KCNH5: variants seen among roughly 807,000 people sequenced by gnomAD.
KCNH5 encodes potassium voltage-gated channel subfamily H member 5, also known as voltage-gated delayed rectifier potassium channel KCNH5.
A neutral mutation model predicts 96.1 loss-of-function variants in KCNH5; 46 were observed. The ratio of observed to expected loss-of-function variants is 0.48; its 90% CI spans 0.38 to 0.61. The LOEUF (loss-of-function observed/expected upper bound fraction) is 0.61. Among genes scored for constraint, KCNH5 ranks in the 20% least tolerant of loss-of-function variants. KCNH5 has a pLI of 0.00. For synonymous variants in KCNH5, 439 were observed against 449.8 expected (o/e 0.98, Z 0.30); for missense variants, 907 against 1,225.8 (o/e 0.74, Z 3.88).
intron 7 of KCNH5, among the ~76,000 whole-genome samples, chr14:62,932,880 C>G (rs1199939622): frequency 6.6e-6 from 1 of 152,162 alleles, no homozygotes; most frequent in African/African-American, 2.4e-5. Context: ...TCTACCCAGA[C>G]AAGCTATCAG....
rs913020694 is a variant in KCNH5, at chr14:62,858,658, G to A, written c.1370-8806C>T. 4.6e-5 allele frequency among the ~76,000 whole-genome samples: 7 copies of A among 152,134 alleles called. 1 individual carries two copies. The highest frequency in any genetic ancestry group is 4.1e-4 in the South Asian group (2 of 4,820). On this transcript the variant is annotated intron_variant, in intron 7 of 10. Coordinates refer to ENST00000322893, the MANE Select transcript of KCNH5 (RefSeq NM_139318.5). Reference sequence around the variant, plus strand: ...CTCTAGGTCAGCAGAATGTAATATCGCAGGAACAGGAAGTGAAAATTTTGC... The same window carrying A: ...CTCTAGGTCAGCAGAATGTAATATCACAGGAACAGGAAGTGAAAATTTTGC...
chr14:63,040,560 T>C (rs1172542982), intron 1 of KCNH5, among the ~76,000 whole-genome samples: 1 of 152,190 alleles, frequency 6.6e-6, no homozygotes. Context: ...TCCTGAATAG[T>C]GTCTTAGATA....
intron 4 of KCNH5, among the ~76,000 whole-genome samples, chr14:62,999,813 T>A (rs1594667800): frequency 6.7e-6 from 1 of 149,206 alleles, no homozygotes; most frequent in Non-Finnish European, 1.5e-5. Context: ...TGTATACATA[T>A]GTAACTAACC....
rs564322687 is a variant in KCNH5, at chr14:62,767,164, C to CA, written c.2019+12563dup. 1.8e-3 allele frequency among the ~76,000 whole-genome samples: 271 copies of CA among 152,128 alleles called. 2 individuals carry two copies. Among genetic ancestry groups the CA allele is most frequent in the African/African-American group, 6.0e-3 (250 of 41,504 alleles). ...GTTGGAATGGCTATTCTTAAAAAGT[C>CA]AAAAAACAACAGATTCTGTTGAGGA... On this transcript the variant is annotated intron_variant, in intron 10 of 10. Coordinates refer to ENST00000322893, the MANE Select transcript of KCNH5 (RefSeq NM_139318.5).
At chr14:62,752,302 C>T (rs910960663) in intron 10 of KCNH5, among the ~76,000 whole-genome samples, 1 of 151,888 alleles carries the variant, frequency 6.6e-6, no homozygotes, top group Admixed American at 6.6e-5. Flanking sequence ...AAGGAAAGAC[C>T]CCTTCTGCTT....
chr14:62,734,528 G>C (rs11627880), intron 10 of KCNH5, among the ~76,000 whole-genome samples: 75,413 of 151,850 alleles, frequency 0.5, 19,074 homozygotes, highest in South Asian at 0.67. Flanking sequence ...AAGTGTTTCA[G>C]GGAAAGCACC....
Position 62,702,057 on chromosome 14 carries a change from A to G in KCNH5, c.*5451T>C, listed in dbSNP as rs1884356230. ...TATTAAAAAGAAAAAGAAATTATAG[A>G]AAAAAAATCCTGAATGACTCTTGCT... On this transcript the variant is annotated 3_prime_UTR_variant, in exon 11 of 11. Transcript: ENST00000322893. The G allele has an allele frequency of 1.3e-5, 2 of 151,972 alleles. No homozygotes were observed. The highest frequency in any genetic ancestry group is 6.6e-5 in the Admixed American group (1 of 15,240). 9.4% of individuals were successfully genotyped at this position (151,972 alleles called of 1,614,324 possible).
intron 6 of KCNH5, among the ~76,000 whole-genome samples, chr14:62,953,732 A>G (rs796271983): frequency 1.3e-4 from 20 of 152,020 alleles, no homozygotes; most frequent in African/African-American, 4.8e-4. Context: ...CTCTCAAAAA[A>G]TTTCCTTCTC....
chr14:62,941,795 A>T (rs1889795158), intron 7 of KCNH5, among the ~76,000 whole-genome samples: 1 of 152,018 alleles, frequency 6.6e-6, no homozygotes, highest in Admixed American at 6.6e-5. Flanking sequence ...TTGTAGAATA[A>T]TTTTTTTCTA....
intron 1 of KCNH5, among the ~76,000 whole-genome samples, chr14:63,021,928 A>G (rs539241766): frequency 2.2e-4 from 33 of 152,262 alleles, no homozygotes; most frequent in African/African-American, 7.7e-4. Flanking sequence ...TTTACCAATA[A>G]GTAGACATTA....
Position 62,707,957 on chromosome 14 carries a change from A to G in KCNH5, c.2518T>C (p.Leu840=). The G allele has an allele frequency of 1.2e-6, 2 of 1,614,190 alleles. No homozygotes were observed. The highest frequency in any genetic ancestry group is 1.7e-6 in the Non-Finnish European group (2 of 1,180,040). The change falls in exon 11 of 11, where the codon TTG becomes CTG. Residue 840 remains leucine (L), a synonymous_variant. Transcript: ENST00000322893. ...NVTKAESMGL[L]SEDPKSSDSE... is the part of the protein sequence containing the mutation. ...TCACTGCTCTTGGGGTCCTCAGACA[A>G]TAGCCCCATTGACTCAGCTTTAGTG...
intron 9 of KCNH5, among the ~76,000 whole-genome samples, chr14:62,794,045 T>C (rs1335326888): frequency 6.6e-6 from 1 of 151,924 alleles, no homozygotes; most frequent in Non-Finnish European, 1.5e-5. Flanking sequence ...TAAGAACTCA[T>C]GACATTCACA....
chr14:62,737,423 C>T (rs995157368), intron 10 of KCNH5, among the ~76,000 whole-genome samples: 1 of 152,106 alleles, frequency 6.6e-6, no homozygotes, highest in Non-Finnish European at 1.5e-5. Flanking sequence ...GGGTTCTATA[C>T]CCATTGCCTC....
At position 62,961,529 on chromosome 14, in the gene KCNH5, A is replaced by G. The variant is rs186814547; in HGVS notation, c.943-10970T>C. 3.3e-5 allele frequency among the ~76,000 whole-genome samples: 5 copies of G among 152,286 alleles called. No individual in the cohort carries two copies. The East Asian group carries it at 9.7e-4, about 29-fold the overall frequency. ...CAAGAAATGCTGAGGGAATGAGGTA[A>G]CAGGCAATGAGAGTTGAAGCAGAGT... On this transcript the variant is annotated intron_variant, in intron 6 of 10. Coordinates refer to ENST00000322893, the MANE Select transcript of KCNH5 (RefSeq NM_139318.5).
chr14:62,773,038 CA>C (rs1186036693), intron 10 of KCNH5, among the ~76,000 whole-genome samples: 2 of 152,118 alleles, frequency 1.3e-5, no homozygotes, highest in African/African-American at 4.8e-5. Context: ...AAATTGATGC[CA>C]CATATTATCC....
intron 6 of KCNH5, among the ~76,000 whole-genome samples, chr14:62,972,367 G>A (rs1217480774): frequency 6.6e-6 from 1 of 152,214 alleles, no homozygotes. Flanking sequence ...TGGCAAGGAT[G>A]TGGAACAACA....
chr14:62,965,517 C>T lies in KCNH5; in HGVS notation c.943-14958G>A, dbSNP rs370999856. ...GAAAACCCTCATCAGAATCCAGGGC[C>T]ATGCTCTTGAACTTCCTAACCTGCA... is the stretch of plus-strand genomic sequence containing the variant. On this transcript the variant is annotated intron_variant, in intron 6 of 10. Transcript: ENST00000322893. Among the ~76,000 whole-genome samples the T allele has an allele frequency of 4.4e-4, 67 of 152,228 alleles. 5 individuals carry two copies. The South Asian group carries it at 6.0e-3, about 14-fold the overall frequency.
intron 10 of KCNH5, among the ~76,000 whole-genome samples, chr14:62,754,384 T>A (rs1386272374): frequency 6.6e-6 from 1 of 151,430 alleles, no homozygotes; most frequent in African/African-American, 2.4e-5. Context: ...CAGAAGTAAG[T>A]CCTTACTTAT....
At chr14:62,886,364 C>T (rs1342096999) in intron 7 of KCNH5, among the ~76,000 whole-genome samples, 1 of 152,172 alleles carries the variant, frequency 6.6e-6, no homozygotes, top group Non-Finnish European at 1.5e-5. Context: ...GTGGTCTGCA[C>T]ATAAAACTAG....
Sources: allele counts gnomAD v4.1 joint callset (sites outside exome capture counted in the v4.1 genomes callset), GRCh38; gene constraint gnomAD v4.1.1; transcripts MANE v1.5; gene names NCBI Gene and HGNC (gene_info 2026-07-23, HGNC 2026-07-21).